PLA2G4E: variants seen among roughly 807,000 people sequenced by gnomAD.
PLA2G4E encodes cytosolic phospholipase A2 epsilon.
A neutral mutation model predicts 109.1 loss-of-function variants in PLA2G4E; 84 were observed. The ratio of observed to expected loss-of-function variants is 0.77; its 90% CI spans 0.65 to 0.92. The LOEUF is 0.92. Ranked by LOEUF, PLA2G4E falls within the 40% of genes least tolerant of loss-of-function variation. The pLI, the probability that PLA2G4E is intolerant of heterozygous loss-of-function variation, is 0.00. For synonymous variants in PLA2G4E, 469 were observed against 436.1 expected, an observed-to-expected ratio of 1.08 and a Z score of -0.94; for missense variants, 1,057 against 1,076.6, an observed-to-expected ratio of 0.98 and a Z score of 0.25.
chr15:42,031,665 C>A (rs992072800), intron 1 of PLA2G4E, among the ~76,000 whole-genome samples: 6 of 152,136 alleles, frequency 3.9e-5, no homozygotes, highest in Admixed American at 1.3e-4. Flanking sequence ...GGCCAGCTGA[C>A]CAAGCACCCA....
At chr15:41,992,599 G>C (rs1185625253) in intron 13 of PLA2G4E, 138 bp downstream of exon 13, 1 of 798,104 alleles carries the variant, frequency 1.3e-6, no homozygotes, top group Non-Finnish European at 2.0e-6. Flanking sequence ...ACACCTTATC[G>C]GTCTTCCAGC....
chr15:42,018,350 G>C (rs924688743), intron 1 of PLA2G4E, among the ~76,000 whole-genome samples: 7 of 152,182 alleles, frequency 4.6e-5, no homozygotes, highest in African/African-American at 1.7e-4. Flanking sequence ...GAGGGCCAAA[G>C]CTTTAAGGAC....
intron 1 of PLA2G4E, among the ~76,000 whole-genome samples, chr15:42,045,729 C>T (rs1465889614): frequency 6.6e-6 from 1 of 152,156 alleles, no homozygotes; most frequent in Non-Finnish European, 1.5e-5. Context: ...CAGACTTCTT[C>T]CCCTTCGCTT....
At chr15:42,014,825 T>G (rs2068572908) in intron 1 of PLA2G4E, among the ~76,000 whole-genome samples, 1 of 152,198 alleles carries the variant, frequency 6.6e-6, no homozygotes, top group Admixed American at 6.5e-5. Flanking sequence ...CTCTCTTTCC[T>G]GATGGCAAAA....
chr15:42,018,855 T>A lies in PLA2G4E; in HGVS notation c.184-5098A>T, dbSNP rs2068621425. Among the ~76,000 whole-genome samples, 6 of 152,266 alleles carry A rather than the reference T, an allele frequency of 3.9e-5. No individual in the cohort carries two copies. The South Asian group carries it at 1.2e-3, about 32-fold the overall frequency. ...CCTTGAATCTCAGGATTGGCTATGATGCAATCCAATGCTGCCCCTTCCCAC... is the reference window on the plus strand; with the variant it reads ...CCTTGAATCTCAGGATTGGCTATGAAGCAATCCAATGCTGCCCCTTCCCAC... On this transcript the variant is annotated intron_variant, in intron 1 of 19. Transcript: ENST00000399518.
intron 14 of PLA2G4E, among the ~76,000 whole-genome samples, chr15:41,989,797 C>T (rs2141026141): frequency 6.6e-6 from 1 of 152,334 alleles, no homozygotes; most frequent in South Asian, 2.1e-4. Context: ...TTGAATGGGA[C>T]AAAAACTGAC....
chr15:42,002,678 G>A, exon 6 of PLA2G4E: 1 of 1,583,632 alleles, frequency 6.3e-7, no homozygotes, highest in East Asian at 2.3e-5. Flanking sequence ...TGGTGACGAG[G>A]GTCTCAGGTG....
At chr15:42,022,390 C>T (rs1447652055) in intron 1 of PLA2G4E, among the ~76,000 whole-genome samples, 1 of 152,110 alleles carries the variant, frequency 6.6e-6, no homozygotes. Context: ...TGGGATGATA[C>T]AAGTGCCTTA....
chr15:42,011,917 T>C (rs1668567), intron 2 of PLA2G4E, among the ~76,000 whole-genome samples: 145,663 of 152,112 alleles, frequency 0.96, 69,918 homozygotes, highest in African/African-American at 0.98. Flanking sequence ...ACGTCCTGGA[T>C]CCAGAGGACA....
chr15:42,013,875 TAGGC>T, intron 1 of PLA2G4E, 118 bp from the exon 2 acceptor site: 1 of 357,680 alleles, frequency 2.8e-6, no homozygotes, highest in Non-Finnish European at 4.9e-6. Context: ...CAACAACCCC[TAGGC>T]TGGTTTTTTT....
At chr15:42,012,031 C>T (rs767297816) in intron 2 of PLA2G4E, among the ~76,000 whole-genome samples, 1 of 152,214 alleles carries the variant, frequency 6.6e-6, no homozygotes, top group Non-Finnish European at 1.5e-5. Flanking sequence ...GACACAGACC[C>T]AAACTGGAGG....
intron 1 of PLA2G4E, among the ~76,000 whole-genome samples, chr15:42,032,680 T>C (rs1335451023): frequency 6.6e-6 from 1 of 152,208 alleles, no homozygotes; most frequent in East Asian, 1.9e-4. Flanking sequence ...CACTGCTGAT[T>C]TCTGGGGCCT....
intron 1 of PLA2G4E, among the ~76,000 whole-genome samples, chr15:42,023,611 C>T (rs1264584863): frequency 2.0e-5 from 3 of 152,028 alleles, no homozygotes; most frequent in Admixed American, 6.6e-5. Context: ...GGCAACTCAA[C>T]CCACAGCACT....
rs532967007 is a variant in PLA2G4E at position 41,989,545 on chromosome 15, G to A, written c.1593C>T (p.Phe531=). Residue 531 remains phenylalanine, a synonymous_variant, in exon 15 of 20, where the codon TTC becomes TTT. Coordinates refer to ENST00000399518, the Ensembl canonical transcript of PLA2G4E. Reference sequence around the variant, plus strand: ...GGCCCACCTCGTAGGGGGAGAACTCGAACCACTCTGCACATGAAGCAGCAG... The same window carrying A: ...GGCCCACCTCGTAGGGGGAGAACTCAAACCACTCTGCACATGAAGCAGCAG... The A allele has an allele frequency of 1.5e-5, 25 of 1,613,482 alleles. No homozygotes were observed. In the South Asian group the frequency reaches 1.9e-4, roughly 12 times the overall value.
intron 2 of PLA2G4E, among the ~76,000 whole-genome samples, chr15:42,013,083 G>A (rs2068553619): frequency 6.6e-6 from 1 of 152,212 alleles, no homozygotes; most frequent in Non-Finnish European, 1.5e-5. Flanking sequence ...GGGATGAGGG[G>A]GGAGGTTAGG....
intron 2 of PLA2G4E, among the ~76,000 whole-genome samples, chr15:42,008,536 A>C (rs1334510956): frequency 6.6e-6 from 1 of 152,210 alleles, no homozygotes; most frequent in African/African-American, 2.4e-5. Context: ...TTTCATTCTA[A>C]ATGAACAACC....
intron 2 of PLA2G4E, chr15:42,008,953 C>T (rs1353200232): frequency 6.6e-6 from 1 of 152,142 alleles, no homozygotes; most frequent in Non-Finnish European, 1.5e-5. Context: ...CTTTCTTCGC[C>T]CTGCGTTGTC....
At chr15:41,995,949 G>T (rs779284905) in intron 11 of PLA2G4E, among the ~76,000 whole-genome samples, 1 of 152,202 alleles carries the variant, frequency 6.6e-6, no homozygotes, top group African/African-American at 2.4e-5. Context: ...CTGCTCAGCA[G>T]GTACTGTACT....
chr15:42,024,941 C>T (rs568211168), intron 1 of PLA2G4E, among the ~76,000 whole-genome samples: 1 of 152,234 alleles, frequency 6.6e-6, no homozygotes, highest in East Asian at 1.9e-4. Flanking sequence ...TGGCTCACGC[C>T]TGTAATCCCA....
Sources: allele counts gnomAD v4.1 joint callset (sites outside exome capture counted in the v4.1 genomes callset), GRCh38; gene constraint gnomAD v4.1.1; transcripts MANE v1.5; gene names NCBI Gene and HGNC (gene_info 2026-07-23, HGNC 2026-07-21).